The following ADGRV1 variants were observed in gnomAD, a reference collection of about 807,000 sequenced individuals.
ADGRV1 encodes the protein adhesion G protein-coupled receptor V1, also known as G-protein coupled receptor 98.
A neutral mutation model predicts 596.2 loss-of-function variants in ADGRV1; 359 were observed. That is an observed-to-expected ratio of 0.60 (90% CI 0.55 to 0.66). ADGRV1 has a LOEUF of 0.66. Ranked by LOEUF, ADGRV1 falls within the 30% of genes least tolerant of loss-of-function variation. The pLI is 0.00. For synonymous variants in ADGRV1, 2,681 were observed against 2,679.2 expected (o/e 1.00, Z -0.02); for missense variants, 7,274 against 7,575.6 (o/e 0.96, Z 1.48).
At chr5:91,027,904 T>G (rs1344345558) in intron 85 of ADGRV1, among the ~76,000 whole-genome samples, 1 of 152,164 alleles carries the variant, frequency 6.6e-6, no homozygotes, top group Non-Finnish European at 1.5e-5. Context: ...TTTTAAGCTT[T>G]ACCAAGCCAG....
chr5:90,719,724 G>A (rs1245679668), intron 43 of ADGRV1, among the ~76,000 whole-genome samples: 1 of 152,150 alleles, frequency 6.6e-6, no homozygotes, highest in Non-Finnish European at 1.5e-5. Flanking sequence ...ATTAGAATGA[G>A]ATTAATCAAG....
chr5:90,678,314 C>T (rs1226893009), intron 25 of ADGRV1, among the ~76,000 whole-genome samples: 1 of 151,904 alleles, frequency 6.6e-6, no homozygotes, highest in Non-Finnish European at 1.5e-5. Context: ...CTATTGCTGT[C>T]ATCACTGCCC....
intron 7 of ADGRV1, among the ~76,000 whole-genome samples, chr5:90,628,127 C>G (rs1457310841): frequency 6.6e-6 from 1 of 151,794 alleles, no homozygotes; most frequent in African/African-American, 2.4e-5. Context: ...GTGACTCACA[C>G]CTGTAATCCC....
intron 21 of ADGRV1, among the ~76,000 whole-genome samples, chr5:90,666,918 T>C (rs1320086269): frequency 6.6e-6 from 1 of 151,750 alleles, no homozygotes; most frequent in Non-Finnish European, 1.5e-5. Flanking sequence ...TTCTTTTCTT[T>C]AAGAATGTTG....
At chr5:90,698,243 G>A (rs1747455413) in intron 34 of ADGRV1, among the ~76,000 whole-genome samples, 1 of 152,156 alleles carries the variant, frequency 6.6e-6, no homozygotes, top group South Asian at 2.1e-4. Flanking sequence ...TGCAGGAATA[G>A]TTAATAATAA....
At chr5:90,842,097 G>A (rs1385245953) in intron 78 of ADGRV1, among the ~76,000 whole-genome samples, 1 of 152,174 alleles carries the variant, frequency 6.6e-6, no homozygotes, top group Admixed American at 6.5e-5. Flanking sequence ...TTTAGGGAAG[G>A]AAACAGGACC....
intron 78 of ADGRV1, among the ~76,000 whole-genome samples, chr5:90,848,210 GA>G (rs902446770): frequency 2.6e-5 from 4 of 152,018 alleles, no homozygotes; most frequent in Non-Finnish European, 5.9e-5. Context: ...CTGTTTACTG[GA>G]AAAAAATAAT....
intron 76 of ADGRV1, among the ~76,000 whole-genome samples, chr5:90,824,931 A>G (rs1763943931): frequency 6.6e-6 from 1 of 150,660 alleles, no homozygotes; most frequent in Non-Finnish European, 1.5e-5. Flanking sequence ...TCTCAACCCC[A>G]TATTTCTTTT....
At chr5:90,700,611 A>T (rs1177049762) in intron 34 of ADGRV1, among the ~76,000 whole-genome samples, 2 of 152,106 alleles carry the variant, frequency 1.3e-5, no homozygotes, top group African/African-American at 4.8e-5. Flanking sequence ...CATAATCATC[A>T]TGTCATGTTC....
At chr5:90,710,854 G>A (rs12374487) in intron 39 of ADGRV1, 127 bp from the exon 40 acceptor site, 1 of 567,112 alleles carries the variant, frequency 1.8e-6, no homozygotes, top group South Asian at 3.4e-5. Flanking sequence ...AACATCTTTT[G>A]AGTAATGTTG....
At chr5:91,099,796 G>A (rs536236950) in intron 86 of ADGRV1, among the ~76,000 whole-genome samples, 3 of 152,224 alleles carry the variant, frequency 2.0e-5, no homozygotes, top group African/African-American at 7.2e-5. Context: ...TGTTGGGTTG[G>A]AATTAGAAGC....
intron 86 of ADGRV1, among the ~76,000 whole-genome samples, chr5:91,094,144 A>G (rs1047768531): frequency 9.9e-5 from 15 of 151,900 alleles, no homozygotes; most frequent in African/African-American, 3.6e-4. Flanking sequence ...GAGCCACTGC[A>G]CCCAGCCATA....
intron 37 of ADGRV1, 87 bp from the exon 38 acceptor site, chr5:90,706,144 C>A: frequency 2.5e-6 from 3 of 1,221,618 alleles, no homozygotes; most frequent in Non-Finnish European, 3.4e-6. Flanking sequence ...ACTAAAGGTG[C>A]TTTTAGGAAA....
At chr5:91,035,755 C>T (rs1458551281) in intron 85 of ADGRV1, among the ~76,000 whole-genome samples, 1 of 149,210 alleles carries the variant, frequency 6.7e-6, no homozygotes, top group Non-Finnish European at 1.5e-5. Context: ...CCCCTCTGTT[C>T]TTTGGTTTCC....
chr5:90,869,292 T>C (rs1768436560), intron 83 of ADGRV1, among the ~76,000 whole-genome samples: 1 of 152,140 alleles, frequency 6.6e-6, no homozygotes, highest in African/African-American at 2.4e-5. Context: ...GTTATAGTGA[T>C]CCTGGCTGCT....
intron 83 of ADGRV1, among the ~76,000 whole-genome samples, chr5:90,962,929 G>C (rs1027486024): frequency 6.6e-6 from 1 of 152,072 alleles, no homozygotes; most frequent in African/African-American, 2.4e-5. Flanking sequence ...TGATTTAATT[G>C]CTTCAAAGAA....
chr5:90,849,138 A>G (rs1482794013), intron 79 of ADGRV1, among the ~76,000 whole-genome samples: 1 of 152,174 alleles, frequency 6.6e-6, no homozygotes, highest in Non-Finnish European at 1.5e-5. Flanking sequence ...GAGAGATTAC[A>G]GCCTTTAGGA....
At chr5:90,791,809 G>T in intron 70 of ADGRV1, 1 of 155,788 alleles carries the variant, frequency 6.4e-6, no homozygotes, top group East Asian at 1.9e-4. Flanking sequence ...TGAAATGTAG[G>T]AAATTGGCTA....
At chr5:90,714,258 T>C (rs1240352829) in intron 42 of ADGRV1, among the ~76,000 whole-genome samples, 1 of 151,974 alleles carries the variant, frequency 6.6e-6, no homozygotes, top group East Asian at 1.9e-4. Flanking sequence ...TGATTGTTAG[T>C]GAGCTTGACA....
Sources: allele counts gnomAD v4.1 joint callset (sites outside exome capture counted in the v4.1 genomes callset), GRCh38; gene constraint gnomAD v4.1.1; transcripts MANE v1.5; gene names NCBI Gene and HGNC (gene_info 2026-07-23, HGNC 2026-07-21).